The following PATJ variants were observed in gnomAD, a reference collection of about 807,000 sequenced individuals.
The protein encoded by PATJ is PATJ crumbs cell polarity complex component, also known as inaD-like protein.
Under a neutral mutation model 224.9 loss-of-function variants are expected in PATJ, and 190 were observed. The observed-to-expected ratio is 0.84, with a 90% CI of 0.75 to 0.95. The LOEUF (loss-of-function observed/expected upper bound fraction) is 0.95. Among genes scored for constraint, PATJ ranks in the 40% least tolerant of loss-of-function variants. PATJ has a pLI of 0.00. For synonymous variants in PATJ, 769 were observed against 820.3 expected (o/e 0.94, Z 1.07); for missense variants, 2,121 against 2,270.3 (o/e 0.93, Z 1.34).
chr1:61,836,621 A>G (rs141079086), intron 17 of PATJ, among the ~76,000 whole-genome samples: 4 of 152,330 alleles, frequency 2.6e-5, no homozygotes, highest in African/African-American at 9.6e-5. Context: ...GTTATCTACC[A>G]TGACATTTAG....
At chr1:61,973,125 C>T (rs796418838) in intron 27 of PATJ, among the ~76,000 whole-genome samples, 1 of 152,050 alleles carries the variant, frequency 6.6e-6, no homozygotes, top group East Asian at 1.9e-4. Context: ...GACAAATTTG[C>T]AAGCTTGTGT....
chr1:61,964,157 T>A (rs997319248), intron 27 of PATJ, among the ~76,000 whole-genome samples: 2 of 143,592 alleles, frequency 1.4e-5, no homozygotes, highest in Non-Finnish European at 3.1e-5. Flanking sequence ...TCTCAGCTCA[T>A]TGTATCGTCT....
chr1:62,092,352 C>A (rs1660853845), intron 33 of PATJ, among the ~76,000 whole-genome samples: 2 of 151,790 alleles, frequency 1.3e-5, no homozygotes, highest in African/African-American at 4.8e-5. Flanking sequence ...TACATTCCGG[C>A]CTGAGCAACA....
At chr1:62,020,709 T>G (rs6697273) in intron 29 of PATJ, among the ~76,000 whole-genome samples, 21,389 of 152,232 alleles carry the variant, frequency 0.14, 1,644 homozygotes, top group Middle Eastern at 0.24. Flanking sequence ...TGGAAGTGAT[T>G]TTAAGCAATT....
At chr1:61,789,283 C>T (rs779140418) in intron 8 of PATJ, among the ~76,000 whole-genome samples, 2 of 151,212 alleles carry the variant, frequency 1.3e-5, no homozygotes, top group Non-Finnish European at 2.9e-5. Context: ...TCCAGCCTGG[C>T]CAACAGGGCA....
At chr1:61,765,020 G>A (rs1646180706) in intron 3 of PATJ, among the ~76,000 whole-genome samples, 2 of 131,746 alleles carry the variant, frequency 1.5e-5, no homozygotes, top group South Asian at 5.0e-4. Context: ...TATAATCCCT[G>A]TAGCCAGGGG....
chr1:61,773,169 G>A (rs1054385082), intron 6 of PATJ, among the ~76,000 whole-genome samples: 8 of 151,912 alleles, frequency 5.3e-5, no homozygotes, highest in Admixed American at 3.3e-4. Context: ...TTACAGGCAC[G>A]TGCCAACACA....
intron 7 of PATJ, among the ~76,000 whole-genome samples, chr1:61,783,059 G>C (rs1306744306): frequency 2.6e-5 from 4 of 152,232 alleles, no homozygotes; most frequent in African/African-American, 9.6e-5. Context: ...GCAAGGGTTT[G>C]AGGGTGGATG....
At position 61,947,526 on chromosome 1, in the gene PATJ, C is replaced by G. The variant is rs1363663534; in HGVS notation, c.3670+19697C>G. 3.3e-5 allele frequency among the ~76,000 whole-genome samples: 5 copies of G among 152,130 alleles called. No homozygotes were observed. In the East Asian group the frequency reaches 9.6e-4, roughly 29 times the overall value. ...TTACAAGGGATGTGAAGGACCTCTTCAAGGAGAACTACAAACCACTGCTCA... is the reference window on the plus strand; with the variant it reads ...TTACAAGGGATGTGAAGGACCTCTTGAAGGAGAACTACAAACCACTGCTCA... On this transcript the variant is annotated intron_variant, in intron 27 of 43. Coordinates refer to ENST00000642238, the MANE Select transcript of PATJ (RefSeq NM_001350145.3).
intron 41 of PATJ, among the ~76,000 whole-genome samples, chr1:62,145,983 T>C (rs746198646): frequency 5.9e-5 from 9 of 151,286 alleles, no homozygotes; most frequent in African/African-American, 2.2e-4. Context: ...AATAAATAAA[T>C]GAAAGAAATA....
At chr1:61,870,193 C>G (rs935979536) in intron 20 of PATJ, among the ~76,000 whole-genome samples, 1 of 152,024 alleles carries the variant, frequency 6.6e-6, no homozygotes, top group African/African-American at 2.4e-5. Flanking sequence ...GATTTTATTG[C>G]CAATAAAGTG....
rs116058605 is a variant in PATJ, at chr1:61,954,617, T to C, written c.3670+26788T>C. On this transcript the variant is annotated intron_variant, in intron 27 of 43. Coordinates refer to ENST00000642238, the MANE Select transcript of PATJ (RefSeq NM_001350145.3). ...GTTACTTTCTTGCAGAGACTGCCTC[T>C]TTTTTGCTGAATGTAATGGGGCAGG... Among the ~76,000 whole-genome samples, 817 of 152,304 alleles carry C rather than the reference T, an allele frequency of 5.4e-3. 5 individuals carry two copies. The highest frequency in any genetic ancestry group is 0.027 in the Middle Eastern group (8 of 294).
intron 33 of PATJ, among the ~76,000 whole-genome samples, chr1:62,102,396 CT>C (rs1303973673): frequency 6.6e-6 from 1 of 152,104 alleles, no homozygotes; most frequent in East Asian, 1.9e-4. Context: ...AGAAATTAAT[CT>C]TTTTTCTTGG....
At chr1:62,050,909 C>T (rs1254354416) in intron 30 of PATJ, 57 bp from the exon 31 acceptor site, 19 of 1,266,092 alleles carry the variant, frequency 1.5e-5, no homozygotes, top group African/African-American at 3.0e-5. Context: ...CTGTACAATT[C>T]GAGGGAGTGT....
intron 1 of PATJ, among the ~76,000 whole-genome samples, chr1:61,750,535 G>A (rs1203897923): frequency 2.0e-5 from 3 of 149,036 alleles, no homozygotes; most frequent in South Asian, 2.1e-4. Context: ...TCCCGGGTTC[G>A]GGTGATTCTC....
chr1:61,944,888 C>G (rs1002200055), intron 27 of PATJ, among the ~76,000 whole-genome samples: 1 of 152,206 alleles, frequency 6.6e-6, no homozygotes, highest in Non-Finnish European at 1.5e-5. Flanking sequence ...TCAGCAGAGA[C>G]TCTACAAGCC....
chr1:61,834,172 C>T (rs551209994), intron 17 of PATJ, among the ~76,000 whole-genome samples: 14 of 152,222 alleles, frequency 9.2e-5, no homozygotes, highest in Non-Finnish European at 2.1e-4. Context: ...GCAACCATCA[C>T]CACACTCTAA....
chr1:61,838,140 G>A (rs1295895524), intron 17 of PATJ, among the ~76,000 whole-genome samples: 1 of 152,150 alleles, frequency 6.6e-6, no homozygotes, highest in African/African-American at 2.4e-5. Context: ...AGTGGTAGTA[G>A]CTTTGTTGGC....
At chr1:61,908,608 C>A in intron 25 of PATJ, 126 bp downstream of exon 25, 2 of 626,888 alleles carry the variant, frequency 3.2e-6, no homozygotes, top group Non-Finnish European at 2.8e-6. Context: ...AAAGTATGAG[C>A]TTCATAAAAA....
Sources: allele counts gnomAD v4.1 joint callset (sites outside exome capture counted in the v4.1 genomes callset), GRCh38; gene constraint gnomAD v4.1.1; transcripts MANE v1.5; gene names NCBI Gene and HGNC (gene_info 2026-07-23, HGNC 2026-07-21).